Variants in NFYC observed in about 807,000 individuals in gnomAD.
NFYC encodes the protein CAAT box DNA-binding protein subunit C.
NFYC carries 25 observed loss-of-function variants against 53.1 expected under a neutral mutation model. That is an observed-to-expected ratio of 0.47 (90% CI 0.34 to 0.66). The LOEUF (loss-of-function observed/expected upper bound fraction) is 0.66. Ranked by LOEUF, NFYC falls within the 30% of genes least tolerant of loss-of-function variation. NFYC has a pLI of 0.01. For missense variants in NFYC, 260 were observed against 422.7 expected, an observed-to-expected ratio of 0.62 and a Z score of 3.38; for synonymous variants, 145 against 152.6, an observed-to-expected ratio of 0.95 and a Z score of 0.37.
At chr1:40,704,039 G>A (rs7542019) in intron 1 of NFYC, among the ~76,000 whole-genome samples, 119,138 of 151,768 alleles carry the variant, frequency 0.79, 47,382 homozygotes, top group African/African-American at 0.9. Context: ...AGCTTCAACC[G>A]TGTAACCAGA....
Position 40,735,801 on chromosome 1 carries a change from A to T in NFYC, c.-8-3035A>T, listed in dbSNP as rs1211535434. Reference sequence around the variant, plus strand: ...TAATTATTATTATTTCCAGAAAGATATTTTTGTTTGCCCCATTTAAAAAAG... The same window carrying T: ...TAATTATTATTATTTCCAGAAAGATTTTTTTGTTTGCCCCATTTAAAAAAG... On this transcript the variant is annotated intron_variant, in intron 1 of 9. Coordinates refer to ENST00000447388, the MANE Select transcript of NFYC (RefSeq NM_014223.5). 4 of 973,728 alleles carry T rather than the reference A, an allele frequency of 4.1e-6. No individual in the cohort carries two copies. In the African/African-American group the frequency reaches 7.0e-5, roughly 17 times the overall value. 60.3% of individuals were successfully genotyped at this position (973,728 alleles called of 1,614,324 possible).
intron 1 of NFYC, chr1:40,695,761 A>C (rs972608209): frequency 1.3e-5 from 2 of 152,152 alleles, no homozygotes; most frequent in Non-Finnish European, 2.9e-5. Flanking sequence ...TTTGAAATTT[A>C]TATCTTTTAG....
intron 1 of NFYC, among the ~76,000 whole-genome samples, chr1:40,697,672 A>T (rs761367236): frequency 2.6e-5 from 4 of 152,220 alleles, no homozygotes; most frequent in Non-Finnish European, 5.9e-5. Flanking sequence ...TTATCAGTTG[A>T]AGTAGGACCG....
intron 1 of NFYC, among the ~76,000 whole-genome samples, chr1:40,729,449 G>A (rs775371102): frequency 1.3e-5 from 2 of 152,222 alleles, no homozygotes; most frequent in Non-Finnish European, 2.9e-5. Context: ...AGAATTGAGA[G>A]TTAGGGCATT....
intron 1 of NFYC, chr1:40,709,209 G>A (rs912516429): frequency 6.6e-6 from 1 of 152,224 alleles, no homozygotes; most frequent in African/African-American, 2.4e-5. Flanking sequence ...GTACAAAAGA[G>A]GTAACTGATG....
At chr1:40,739,011 T>C (rs1399952620) in intron 2 of NFYC, 63 bp downstream of exon 2, 7 of 1,160,038 alleles carry the variant, frequency 6.0e-6, no homozygotes, top group African/African-American at 1.5e-5. Flanking sequence ...TCTGGGAAAT[T>C]AACCAAAACT....
intron 1 of NFYC, among the ~76,000 whole-genome samples, chr1:40,705,004 G>A (rs952056517): frequency 2.6e-5 from 4 of 152,188 alleles, no homozygotes; most frequent in African/African-American, 9.7e-5. Context: ...TGAATTGGAT[G>A]ACATTTAATA....
At chr1:40,714,111 G>A (rs1644034472) in intron 1 of NFYC, among the ~76,000 whole-genome samples, 1 of 152,218 alleles carries the variant, frequency 6.6e-6, no homozygotes, top group Non-Finnish European at 1.5e-5. Flanking sequence ...TCACCTGCAA[G>A]CCAGTTAGTG....
chr1:40,699,817 C>T (rs1188108180), intron 1 of NFYC, among the ~76,000 whole-genome samples: 1 of 152,168 alleles, frequency 6.6e-6, no homozygotes, highest in African/African-American at 2.4e-5. Context: ...TAGTGCTAAT[C>T]AGTGTCCTTT....
chr1:40,738,888 C>T lies in NFYC; in HGVS notation c.45C>T (p.Ala15=), dbSNP rs1181125675. Reference sequence around the variant, plus strand: ...TTGGTGGTACTAGCAGCAGTGATGCCCAGCAAAGCCTACAGTCGTTCTGGC... The same window carrying T: ...TTGGTGGTACTAGCAGCAGTGATGCTCAGCAAAGCCTACAGTCGTTCTGGC... ...GGFGGTSSSD[A]QQSLQSFWPR... Residue 15 remains alanine, a synonymous_variant, in exon 2 of 10, where the codon GCC becomes GCT. Coordinates refer to ENST00000447388, the MANE Select transcript of NFYC (RefSeq NM_014223.5). 1 of 1,613,970 alleles carries T rather than the reference C, an allele frequency of 6.2e-7. No individual in the cohort carries two copies. Among genetic ancestry groups the T allele is most frequent in the Admixed American group, 1.7e-5 (1 of 60,006 alleles).
At chr1:40,718,857 T>G (rs764457860) in intron 1 of NFYC, among the ~76,000 whole-genome samples, 10 of 151,898 alleles carry the variant, frequency 6.6e-5, no homozygotes, top group Non-Finnish European at 1.2e-4. Context: ...ATCATGGTGG[T>G]TTTTTTTGTT....
intron 1 of NFYC, among the ~76,000 whole-genome samples, chr1:40,732,993 A>G (rs969187154): frequency 5.5e-5 from 8 of 146,352 alleles, no homozygotes; most frequent in Admixed American, 1.4e-4. Flanking sequence ...GTCAGGGCCA[A>G]GCTTTCCAAG....
At chr1:40,746,019 T>G (rs1645590124) in intron 2 of NFYC, among the ~76,000 whole-genome samples, 2 of 152,194 alleles carry the variant, frequency 1.3e-5, no homozygotes, top group Admixed American at 1.3e-4. Flanking sequence ...TACATGTGTA[T>G]TTTTTGCATA....
chr1:40,756,348 C>T (rs1404343018), intron 5 of NFYC, among the ~76,000 whole-genome samples: 3 of 152,206 alleles, frequency 2.0e-5, no homozygotes. Flanking sequence ...CCTTTTCCTT[C>T]TGCCTTAGCA....
chr1:40,727,675 C>A (rs1644582357), intron 1 of NFYC, among the ~76,000 whole-genome samples: 1 of 151,828 alleles, frequency 6.6e-6, no homozygotes, highest in Non-Finnish European at 1.5e-5. Context: ...GGATTTCAGG[C>A]CCACACCACC....
intron 4 of NFYC, among the ~76,000 whole-genome samples, chr1:40,752,062 T>C (rs151189050): frequency 6.6e-6 from 1 of 152,218 alleles, no homozygotes; most frequent in African/African-American, 2.4e-5. Flanking sequence ...AGGTGTGGTA[T>C]ATAGAGTTTG....
intron 1 of NFYC, chr1:40,735,731 A>G: frequency 2.2e-5 from 22 of 985,422 alleles, no homozygotes; most frequent in Non-Finnish European, 2.5e-5. Flanking sequence ...AGGCCTGTCC[A>G]GGGACCCATG....
intron 1 of NFYC, among the ~76,000 whole-genome samples, chr1:40,706,454 G>C (rs1427796362): frequency 6.6e-6 from 1 of 152,096 alleles, no homozygotes; most frequent in Non-Finnish European, 1.5e-5. Flanking sequence ...TCGGGTCCCT[G>C]CTGAATCTCT....
chr1:40,733,499 T>TA lies in NFYC; in HGVS notation c.-8-5336dup, dbSNP rs1391457656. On this transcript the variant is annotated intron_variant, in intron 1 of 9. Coordinates refer to ENST00000447388, the MANE Select transcript of NFYC (RefSeq NM_014223.5). Reference sequence around the variant, plus strand: ...AACCCTGGCTTTGAGAAAAAAAAAATAGAGAGAAAGAGTAGTTTAACATGG... The same window carrying TA: ...AACCCTGGCTTTGAGAAAAAAAAAATAAGAGAGAAAGAGTAGTTTAACATGG... 1.5e-4 allele frequency among the ~76,000 whole-genome samples: 23 copies of TA among 149,360 alleles called. No individual in the cohort carries two copies. The South Asian group carries it at 4.8e-3, about 31-fold the overall frequency.
Sources: allele counts gnomAD v4.1 joint callset (sites outside exome capture counted in the v4.1 genomes callset), GRCh38; gene constraint gnomAD v4.1.1; transcripts MANE v1.5; gene names NCBI Gene and HGNC (gene_info 2026-07-23, HGNC 2026-07-21).